The following FIZ1 variants were observed in gnomAD, a reference collection of about 807,000 sequenced individuals.
The protein encoded by FIZ1 is flt3-interacting zinc finger protein 1.
In FIZ1, 2 loss-of-function variants were observed where a neutral mutation model predicts 5.3. The ratio of observed to expected loss-of-function variants is 0.37; its 90% CI spans 0.15 to 1.18. The LOEUF is 1.18. FIZ1 is among the 50% of genes most tolerant of loss of function. The pLI is 0.37. For synonymous variants in FIZ1, 407 were observed against 364.2 expected (o/e 1.12, Z -1.34); for missense variants, 631 against 749.7 (o/e 0.84, Z 1.85).
At chr19:55,594,711 A>AG (rs1432485164) in intron 2 of FIZ1, among the ~76,000 whole-genome samples, 2 of 151,492 alleles carry the variant, frequency 1.3e-5, no homozygotes, top group African/African-American at 4.8e-5. Flanking sequence ...AAAAAAAAAA[A>AG]AAAAAAAGAA....
intron 1 of FIZ1, 133 bp from the exon 2 acceptor site, chr19:55,598,034 T>C: frequency 9.4e-7 from 1 of 1,059,774 alleles, no homozygotes; most frequent in Non-Finnish European, 1.3e-6. Context: ...GCCACTCTCA[T>C]TGTTCTTTAA....
Position 55,593,321 on chromosome 19 carries a change from C to T in FIZ1, c.620G>A (p.Arg207Gln). The change falls in exon 3 of 3, where the codon CGG (arginine) becomes CAG (glutamine). Residue 207 changes from arginine (R) to glutamine (Q), a missense_variant. Physicochemically the swap from Arg to Gln is conservative, Grantham distance 43 (BLOSUM62 1). This residue lies in a region of FIZ1 where 463 missense variants were observed against 455.1 expected (regional missense o/e 1.02). Coordinates refer to ENST00000221665, the MANE Select transcript of FIZ1 (RefSeq NM_032836.3). The surrounding 1 kb of genome is among the most constrained non-coding windows in gnomAD (Gnocchi z 6.3). ...CAGCTCGCGGCCGTGGTCGAAGCGC[C>T]GCGCGCAGGCGCCGCACGCAAATGG... ...LPPFACGACA[R>Q]RFDHGRELAA... The T allele has an allele frequency of 7.9e-7, 1 of 1,268,188 alleles. No individual in the cohort carries two copies. Among genetic ancestry groups the T allele is most frequent in the South Asian group, 2.1e-5 (1 of 48,256 alleles). The allele number at this position is 1,268,188 out of a possible 1,614,324, so 78.6% of individuals were successfully genotyped here.
At position 55,593,696 on chromosome 19, in the gene FIZ1, G is replaced by A. The variant is rs1360428453; in HGVS notation, c.295-50C>T. On this transcript the variant is annotated intron_variant, in intron 2 of 2. Transcript: ENST00000221665. This position sits in a 1 kb window ranked among gnomAD's most constrained non-coding sequence, Gnocchi z 6.3. ...AACGTCAGGGCTGAGAACCTAGCCC[G>A]GACAACGGATTCCTGGACTCCCAGA... 1.3e-6 allele frequency: 2 copies of A among 1,495,904 alleles called. No homozygotes were observed. The highest frequency in any genetic ancestry group is 2.5e-5 in the East Asian group (1 of 40,588). 92.7% of individuals were successfully genotyped at this position (1,495,904 alleles called of 1,614,324 possible). A position where few individuals can be genotyped will look rare whatever the true frequency, so the allele number is the denominator to read the frequency against.
intron 2 of FIZ1, among the ~76,000 whole-genome samples, chr19:55,596,089 A>G (rs1390191844): frequency 6.6e-6 from 1 of 152,094 alleles, no homozygotes; most frequent in Non-Finnish European, 1.5e-5. Context: ...TTGAATCACA[A>G]CCTACTGGTG....
At position 55,593,665 on chromosome 19, in the gene FIZ1, G is replaced by A; in HGVS notation, c.295-19C>T. On this transcript the variant is annotated intron_variant, in intron 2 of 2. Transcript: ENST00000221665. This position sits in a 1 kb window ranked among gnomAD's most constrained non-coding sequence, Gnocchi z 6.3. Reference sequence around the variant, plus strand: ...GGACGACCTAGGGGTGCGGGAGGAAGGGCACAACGTCAGGGCTGAGAACCT... The same window carrying A: ...GGACGACCTAGGGGTGCGGGAGGAAAGGCACAACGTCAGGGCTGAGAACCT... 1.3e-6 allele frequency: 2 copies of A among 1,548,872 alleles called. No individual in the cohort carries two copies. The highest frequency in any genetic ancestry group is 1.7e-6 in the Non-Finnish European group (2 of 1,145,204).
rs775065837 is a variant in FIZ1, at chr19:55,593,011, G to A, written c.930C>T (p.Pro310=). Residue 310 remains proline (P), a synonymous_variant, in exon 3 of 3, where the codon CCC becomes CCT. Coordinates refer to ENST00000221665, the MANE Select transcript of FIZ1 (RefSeq NM_032836.3). This position sits in a 1 kb window ranked among gnomAD's most constrained non-coding sequence, Gnocchi z 6.3. Reference sequence around the variant, plus strand: ...GTGCAGGCGCCTCCCCACCGCCCTCGGGGAGCAGCCCCCCGAGCTTGGGCA... The same window carrying A: ...GTGCAGGCGCCTCCCCACCGCCCTCAGGGAGCAGCCCCCCGAGCTTGGGCA... ...GGVPKLGGLL[P]EGGGEAPAPA... 7 of 1,476,370 alleles carry A rather than the reference G, an allele frequency of 4.7e-6. No individual in the cohort carries two copies. The highest frequency in any genetic ancestry group is 3.0e-5 in the East Asian group (1 of 33,784). 91.5% of individuals were successfully genotyped at this position (1,476,370 alleles called of 1,614,324 possible). A position where few individuals can be genotyped will look rare whatever the true frequency, so the allele number is the denominator to read the frequency against.
intron 2 of FIZ1, among the ~76,000 whole-genome samples, chr19:55,596,677 T>A (rs1369589641): frequency 5.9e-5 from 9 of 152,154 alleles, no homozygotes; most frequent in African/African-American, 2.2e-4. Context: ...ATTTTTTGTT[T>A]GTTTGTTTGT....
chr19:55,592,558 C>A lies in FIZ1; in HGVS notation c.1383G>T (p.Arg461=). The change falls in exon 3 of 3, where the codon CGG becomes CGT. Residue 461 remains arginine, a synonymous_variant. Coordinates refer to ENST00000221665, the MANE Select transcript of FIZ1 (RefSeq NM_032836.3). The surrounding 1 kb of genome is among the most constrained non-coding windows in gnomAD (Gnocchi z 6.9). Reference sequence around the variant, plus strand: ...AGGGCCGCTCGGTGCCGTGCAGCAGCCGGTGGCGCTTGAGGTAGCACTCGT... The same window carrying A: ...AGGGCCGCTCGGTGCCGTGCAGCAGACGGTGGCGCTTGAGGTAGCACTCGT... ...FRHECYLKRH[R]LLHGTERPFP... 7 of 1,611,894 alleles carry A rather than the reference C, an allele frequency of 4.3e-6. No individual in the cohort carries two copies. The highest frequency in any genetic ancestry group is 5.9e-6 in the Non-Finnish European group (7 of 1,179,176).
chr19:55,598,551 A>G (rs1225125514), intron 1 of FIZ1: 1 of 152,554 alleles, frequency 6.6e-6, no homozygotes, highest in Admixed American at 6.5e-5. Flanking sequence ...CTACGTGCCC[A>G]CTTAAGCTGG....
intron 2 of FIZ1, among the ~76,000 whole-genome samples, chr19:55,595,116 G>C (rs1980261489): frequency 6.6e-6 from 1 of 152,092 alleles, no homozygotes; most frequent in Non-Finnish European, 1.5e-5. Context: ...TGGAATAACA[G>C]AGAGAGATTT....
In FIZ1 at chr19:55,592,733, G is replaced by C. The variant is rs1304191513; in HGVS notation, c.1208C>G (p.Pro403Arg). Residue 403 changes from proline (P) to arginine (R), a missense_variant, in exon 3 of 3, where the codon CCC (proline) becomes CGC (arginine). By Grantham distance (103) the Pro-to-Arg change is moderately radical (BLOSUM62 -2). This residue lies in a region of FIZ1 where 463 missense variants were observed against 455.1 expected (regional missense o/e 1.02). Transcript: ENST00000221665. This position sits in a 1 kb window ranked among gnomAD's most constrained non-coding sequence, Gnocchi z 6.9. ...AREREPASGE[P>R]PSGSGRGKKI... ...CTTGCCGCGGCCGGAGCCAGACGGG[G>C]GTTCCCCGGACGCCGGTTCCCTTTC... The C allele has an allele frequency of 6.2e-7, 1 of 1,611,528 alleles. No individual in the cohort carries two copies. The highest frequency in any genetic ancestry group is 1.3e-5 in the African/African-American group (1 of 74,864).
intron 1 of FIZ1, chr19:55,598,203 T>C (rs1188657588): frequency 1.1e-5 from 4 of 352,402 alleles, no homozygotes; most frequent in Non-Finnish European, 1.6e-5. Flanking sequence ...CCTCCCACTG[T>C]AATTTAAGCC....
chr19:55,593,282 G>T lies in FIZ1; in HGVS notation c.659C>A (p.Ala220Glu), dbSNP rs747534082. The change falls in exon 3 of 3, where the codon GCG becomes GAG. Residue 220 changes from alanine (A) to glutamate (E), a missense_variant. Ala to Glu is a moderately radical substitution (Grantham distance 107). Coordinates refer to ENST00000221665, the MANE Select transcript of FIZ1 (RefSeq NM_032836.3). This position sits in a 1 kb window ranked among gnomAD's most constrained non-coding sequence, Gnocchi z 6.3. ...DHGRELAAHW[A>E]AHTDVKPFKC... ...GAAGGGCTTCACGTCGGTGTGCGCC[G>T]CCCAGTGGGCCGCCAGCTCGCGGCC... 15 of 1,263,186 alleles carry T rather than the reference G, an allele frequency of 1.2e-5. No homozygotes were observed. Among genetic ancestry groups the T allele is most frequent in the Non-Finnish European group, 1.5e-5 (15 of 996,694 alleles). 78.2% of individuals were successfully genotyped at this position (1,263,186 alleles called of 1,614,324 possible). A position where few individuals can be genotyped will look rare whatever the true frequency, so the allele number is the denominator to read the frequency against.
At chr19:55,598,247 T>G (rs1297539700) in intron 1 of FIZ1, 1 of 236,488 alleles carries the variant, frequency 4.2e-6, no homozygotes, top group African/African-American at 2.2e-5. Flanking sequence ...ACCTACTCCC[T>G]TCAAAGTCCC....
At chr19:55,598,476 T>C (rs2123563065) in intron 1 of FIZ1, 1 of 153,674 alleles carries the variant, frequency 6.5e-6, no homozygotes, top group East Asian at 1.9e-4. Context: ...ATCTGTAAAA[T>C]GGGAATAGTA....
In FIZ1 at chr19:55,593,743, G is replaced by C; in HGVS notation, c.295-97C>G. 9.1e-7 allele frequency: 1 copy of C among 1,096,796 alleles called. No homozygotes were observed. The highest frequency in any genetic ancestry group is 1.3e-6 in the Non-Finnish European group (1 of 743,004). 67.9% of individuals were successfully genotyped at this position (1,096,796 alleles called of 1,614,324 possible). ...CAGAGGGTTGTGGCACAAGCTCTCT[G>C]TCACACCTACAGGGCCATGATCTAG... On this transcript the variant is annotated intron_variant, in intron 2 of 2. Transcript: ENST00000221665. The surrounding 1 kb of genome is among the most constrained non-coding windows in gnomAD (Gnocchi z 6.3).
At chr19:55,596,296 G>T (rs1191186172) in intron 2 of FIZ1, among the ~76,000 whole-genome samples, 3 of 152,114 alleles carry the variant, frequency 2.0e-5, no homozygotes, top group African/African-American at 7.2e-5. Context: ...AGGATGTGAA[G>T]TCCTGAACCA....
At chr19:55,597,222 G>A (rs1568517877) in intron 2 of FIZ1, among the ~76,000 whole-genome samples, 1 of 152,230 alleles carries the variant, frequency 6.6e-6, no homozygotes, top group Non-Finnish European at 1.5e-5. Context: ...GTATACACCT[G>A]ATAAACCTAA....
Position 55,593,599 on chromosome 19 carries a change from G to A in FIZ1, c.342C>T (p.Leu114=). The A allele has an allele frequency of 6.4e-7, 1 of 1,551,456 alleles. No homozygotes were observed. Among genetic ancestry groups the A allele is most frequent in the Non-Finnish European group, 8.7e-7 (1 of 1,147,000 alleles). ...CCAGGCTGGAGCGTGAGGAGAAGCG[G>A]AGCTCGCAGACCAGGCAGCAGTAGG... ...EKPYCCLVCE[L]RFSSRSSLGR... Residue 114 remains leucine (L), a synonymous_variant, in exon 3 of 3, where the codon CTC becomes CTT. Transcript: ENST00000221665. This position sits in a 1 kb window ranked among gnomAD's most constrained non-coding sequence, Gnocchi z 6.3.
Sources: allele counts gnomAD v4.1 joint callset (sites outside exome capture counted in the v4.1 genomes callset), GRCh38; gene constraint gnomAD v4.1.1; regional missense constraint gnomAD v4.1.1; non-coding constraint Gnocchi (gnomAD v3.1); transcripts MANE v1.5; gene names NCBI Gene and HGNC (gene_info 2026-07-23, HGNC 2026-07-21).